The following VPS8 variants were observed in gnomAD, a reference collection of about 807,000 sequenced individuals.
VPS8 encodes VPS8 subunit of CORVET complex.
VPS8 carries 129 observed loss-of-function variants against 216.4 expected under a neutral mutation model. The ratio of observed to expected loss-of-function variants is 0.60; its 90% CI spans 0.52 to 0.69. VPS8 has a LOEUF of 0.69. Among genes scored for constraint, VPS8 ranks in the 30% least tolerant of loss-of-function variants. The pLI is 0.00. For synonymous variants in VPS8, 571 were observed against 565.4 expected (o/e 1.01, Z -0.14); for missense variants, 1,531 against 1,683.5 (o/e 0.91, Z 1.59).
intron 46 of VPS8, among the ~76,000 whole-genome samples, chr3:185,046,436 CATG>C (rs987152473): frequency 2.0e-5 from 3 of 152,200 alleles, no homozygotes; most frequent in African/African-American, 7.2e-5. Context: ...CTGTTAATCT[CATG>C]GTGCCCACCT....
intron 8 of VPS8, among the ~76,000 whole-genome samples, chr3:184,844,720 G>A (rs1260711121): frequency 1.3e-5 from 2 of 152,196 alleles, no homozygotes; most frequent in African/African-American, 2.4e-5. Flanking sequence ...ATGCTGAGGA[G>A]ATCTACTCTA....
intron 11 of VPS8, among the ~76,000 whole-genome samples, chr3:184,853,238 A>G (rs951652829): frequency 2.0e-5 from 3 of 152,184 alleles, no homozygotes; most frequent in Non-Finnish European, 4.4e-5. Context: ...GCTCTAAGAG[A>G]ACTTACATTC....
At position 184,854,110 on chromosome 3, in the gene VPS8, A is replaced by G. The variant is rs773903293; in HGVS notation, c.976-4A>G. 5.6e-6 allele frequency: 9 copies of G among 1,613,732 alleles called. No homozygotes were observed. The highest frequency in any genetic ancestry group is 6.8e-6 in the Non-Finnish European group (8 of 1,179,748). On this transcript the variant is annotated splice_region_variant and splice_polypyrimidine_tract_variant and intron_variant, in intron 12 of 47. Coordinates refer to ENST00000625842, the MANE Select transcript of VPS8 (RefSeq NM_001009921.3). ...AATATTGAAAACATATTTTTCTCTT[A>G]CAGATACTGGTCATTGGATTGAAAC...
intron 23 of VPS8, 71 bp downstream of exon 23, chr3:184,894,996 GA>G: frequency 7.6e-7 from 1 of 1,311,028 alleles, no homozygotes; most frequent in Non-Finnish European, 1.1e-6. Context: ...TTACTTCACT[GA>G]TCAGGCCTGA....
chr3:185,043,521 CTT>C (rs935792721), intron 46 of VPS8, among the ~76,000 whole-genome samples: 6 of 152,156 alleles, frequency 3.9e-5, no homozygotes, highest in African/African-American at 1.4e-4. Flanking sequence ...CAAGTTCAGA[CTT>C]TTTTCTGTGA....
At chr3:184,851,968 G>GCT (rs1318915715) in intron 10 of VPS8, among the ~76,000 whole-genome samples, 2 of 152,152 alleles carry the variant, frequency 1.3e-5, no homozygotes, top group African/African-American at 4.8e-5. Flanking sequence ...TATATGCTGT[G>GCT]GAAGAAGATC....
Position 184,925,058 on chromosome 3 carries a change from G to T in VPS8, c.2574+77G>T, listed in dbSNP as rs189666103. The stretch of plus-strand genomic sequence containing the variant: ...AGTTCCCTGGATTACACTGTTTCCT[G>T]ATGTGACAGACTATTGGGTAAATAC... On this transcript the variant is annotated intron_variant, in intron 30 of 47. Coordinates refer to ENST00000625842, the MANE Select transcript of VPS8 (RefSeq NM_001009921.3). The T allele has an allele frequency of 2.2e-3, 3,365 of 1,506,514 alleles. 27 individuals are homozygous for T. The highest frequency in any genetic ancestry group is 1.3e-3 in the Non-Finnish European group (1,466 of 1,125,818). 93.3% of individuals were successfully genotyped at this position (1,506,514 alleles called of 1,614,324 possible).
At position 184,960,153 on chromosome 3, in the gene VPS8, A is replaced by G. The variant is rs1276197197; in HGVS notation, c.3183+2632A>G. ...GGTTTCCAGCTTCATCCATGTCCCT[A>G]CAAAGGACATGAACTCATCCTTTAT... On this transcript the variant is annotated intron_variant, in intron 37 of 47. Transcript: ENST00000625842. 3.9e-5 allele frequency among the ~76,000 whole-genome samples: 6 copies of G among 152,278 alleles called. No homozygotes were observed. In the East Asian group the frequency reaches 1.2e-3, roughly 29 times the overall value.
intron 47 of VPS8, among the ~76,000 whole-genome samples, chr3:185,051,222 G>A (rs1714161040): frequency 6.6e-6 from 1 of 152,148 alleles, no homozygotes; most frequent in Non-Finnish European, 1.5e-5. Flanking sequence ...TCCTTGGCAG[G>A]TCTTCCAGAA....
At chr3:184,919,982 G>A (rs561398778) in intron 28 of VPS8, 145 bp from the exon 29 acceptor site, 5 of 527,844 alleles carry the variant, frequency 9.5e-6, no homozygotes, top group East Asian at 3.5e-5. Context: ...ATAATGTCAC[G>A]CAAGGTGTAT....
intron 44 of VPS8, among the ~76,000 whole-genome samples, chr3:184,996,705 G>C (rs143473102): frequency 1.3e-5 from 2 of 152,270 alleles, no homozygotes; most frequent in Non-Finnish European, 2.9e-5. Flanking sequence ...AAGAGCTATG[G>C]AGAAAAATAA....
At chr3:184,825,053 G>C in intron 2 of VPS8, 1 of 369,168 alleles carries the variant, frequency 2.7e-6, no homozygotes, top group Non-Finnish European at 5.1e-6. Flanking sequence ...CCACAGGTGT[G>C]TGTCACCACG....
chr3:184,930,709 C>CA, intron 34 of VPS8, 141 bp downstream of exon 34: 1 of 621,842 alleles, frequency 1.6e-6, no homozygotes, highest in Non-Finnish European at 2.9e-6. Context: ...AATTATTCTA[C>CA]CTCATATTTG....
intron 41 of VPS8, 84 bp downstream of exon 41, chr3:184,982,731 T>C: frequency 8.9e-7 from 1 of 1,124,620 alleles, no homozygotes; most frequent in Non-Finnish European, 1.3e-6. Context: ...GTATAATATC[T>C]TTTTCCAATA....
intron 45 of VPS8, among the ~76,000 whole-genome samples, chr3:185,002,811 A>G (rs1412937435): frequency 6.6e-6 from 1 of 152,224 alleles, no homozygotes; most frequent in African/African-American, 2.4e-5. Context: ...GTAGTATTCC[A>G]TGGTGTATGT....
intron 3 of VPS8, among the ~76,000 whole-genome samples, chr3:184,827,839 A>G (rs78511758): frequency 0.016 from 2,430 of 152,296 alleles, 24 homozygotes; most frequent in Non-Finnish European, 0.024. Context: ...CAATATGACT[A>G]TCTCTGTGCT....
intron 1 of VPS8, chr3:184,812,924 T>G (rs1715472865): frequency 6.6e-6 from 1 of 152,362 alleles, no homozygotes; most frequent in Non-Finnish European, 1.5e-5. Context: ...CCTGTGAGGC[T>G]GGTTCCAGTT....
Position 184,915,439 on chromosome 3 carries a change from T to C in VPS8, c.2347T>C (p.Phe783Leu). Reference protein sequence around the residue: ...IYPYIRTLLHFDTREFLNVLA... With the variant: ...IYPYIRTLLHLDTREFLNVLA... ...TCCTTACATTCGGACTTTGCTACATTTTGACACAAGAGAATTTCTAAATGT... is the reference window on the plus strand; with the variant it reads ...TCCTTACATTCGGACTTTGCTACATCTTGACACAAGAGAATTTCTAAATGT... The change falls in exon 28 of 48, where the codon TTT becomes CTT. Residue 783 changes from phenylalanine (F) to leucine (L), a missense_variant. Phe to Leu is a conservative substitution (Grantham distance 22). Coordinates refer to ENST00000625842, the MANE Select transcript of VPS8 (RefSeq NM_001009921.3). The C allele has an allele frequency of 6.2e-7, 1 of 1,613,850 alleles. No homozygotes were observed. The highest frequency in any genetic ancestry group is 8.5e-7 in the Non-Finnish European group (1 of 1,179,802).
intron 22 of VPS8, among the ~76,000 whole-genome samples, chr3:184,890,980 A>G (rs1732233073): frequency 6.6e-6 from 1 of 152,126 alleles, no homozygotes; most frequent in Admixed American, 6.5e-5. Flanking sequence ...ATATGTTAGC[A>G]TATATATGGG....
Sources: allele counts gnomAD v4.1 joint callset (sites outside exome capture counted in the v4.1 genomes callset), GRCh38; gene constraint gnomAD v4.1.1; transcripts MANE v1.5; gene names NCBI Gene and HGNC (gene_info 2026-07-23, HGNC 2026-07-21).